TPM3: variants seen among roughly 807,000 people sequenced by gnomAD.
The protein encoded by TPM3 is tropomyosin alpha-3 chain.
In TPM3, 16 loss-of-function variants were observed where a neutral mutation model predicts 43.1. The ratio of observed to expected loss-of-function variants is 0.37; its 90% confidence interval spans 0.25 to 0.56. The LOEUF is 0.56. Among genes scored for constraint, TPM3 ranks in the 20% least tolerant of loss-of-function variants. TPM3 has a pLI of 0.77. For missense variants in TPM3, 176 were observed against 337.2 expected, an observed-to-expected ratio of 0.52 and a Z score of 3.74; for synonymous variants, 101 against 116.9, an observed-to-expected ratio of 0.86 and a Z score of 0.88.
intron 2 of TPM3, chr1:154,187,369 C>T (rs1358361241): frequency 1.0e-6 from 1 of 984,676 alleles, no homozygotes; most frequent in Non-Finnish European, 1.2e-6. Flanking sequence ...CTTGCTTGCT[C>T]CTGGCCACAA....
chr1:154,167,742 T>C lies in TPM3; in HGVS notation c.*195A>G, dbSNP rs530024089. 6.9e-7 allele frequency: 1 copy of C among 1,453,432 alleles called. No individual in the cohort carries two copies. The highest frequency in any genetic ancestry group is 2.6e-5 in the East Asian group (1 of 39,214). 90.0% of individuals were successfully genotyped at this position (1,453,432 alleles called of 1,614,324 possible). On this transcript the variant is annotated 3_prime_UTR_variant, in exon 10 of 10. Coordinates refer to ENST00000651641, the MANE Select transcript of TPM3 (RefSeq NM_152263.4). ...TCAATGACACAAATGCAGGGTGGCATGAGGTTTCCAGCAGCTTAACATTTT... is the reference window on the plus strand; with the variant it reads ...TCAATGACACAAATGCAGGGTGGCACGAGGTTTCCAGCAGCTTAACATTTT...
intron 2 of TPM3, among the ~76,000 whole-genome samples, chr1:154,179,430 A>G (rs568575510): frequency 1.1e-4 from 16 of 152,360 alleles, no homozygotes; most frequent in African/African-American, 3.1e-4. Flanking sequence ...AGAGAACCAC[A>G]CAACAGTCAA....
At position 154,174,388 on chromosome 1, in the gene TPM3, A is replaced by G. The variant is rs543502002; in HGVS notation, c.378-1187T>C. 1.2e-3 allele frequency among the ~76,000 whole-genome samples: 124 copies of G among 103,082 alleles called. 8 individuals are homozygous for G. The highest frequency in any genetic ancestry group is 4.4e-3 in the East Asian group (14 of 3,208). The allele number at this position is 103,082 out of a possible 152,430, so 67.6% of individuals were successfully genotyped here. On this transcript the variant is annotated intron_variant, in intron 3 of 9. Coordinates refer to ENST00000651641, the MANE Select transcript of TPM3 (RefSeq NM_152263.4). ...TATGTGTATATATATATATATATAT[A>G]TATATATATATATATATATACACAC...
Position 154,172,705 on chromosome 1 carries a change from G to A in TPM3, c.566+203C>T, listed in dbSNP as rs537782359. ...AACCCTACCAACAAAAAATAAGAAAGCCTCTTTTGTCACTTGTCACTAGTC... is the reference window on the plus strand; with the variant it reads ...AACCCTACCAACAAAAAATAAGAAAACCTCTTTTGTCACTTGTCACTAGTC... On this transcript the variant is annotated intron_variant, in intron 5 of 9. Transcript: ENST00000651641. The A allele has an allele frequency of 4.6e-6, 3 of 657,006 alleles. No homozygotes were observed. In the South Asian group the frequency reaches 5.3e-5, roughly 12 times the overall value. The allele number at this position is 657,006 out of a possible 1,614,324, so 40.7% of individuals were successfully genotyped here. A position where few individuals can be genotyped will look rare whatever the true frequency, so the allele number is the denominator to read the frequency against.
intron 2 of TPM3, chr1:154,182,911 C>T (rs935504756): frequency 5.0e-6 from 8 of 1,602,878 alleles, no homozygotes; most frequent in African/African-American, 1.3e-5. Flanking sequence ...CCGTGCTCCA[C>T]GGCAAAAGGG....
At chr1:154,168,769 G>A (rs554867147) in intron 9 of TPM3, among the ~76,000 whole-genome samples, 8 of 151,070 alleles carry the variant, frequency 5.3e-5, no homozygotes, top group African/African-American at 1.2e-4. Context: ...CGAGTCATCC[G>A]CCCACCTCAG....
In TPM3 at chr1:154,191,314, A is replaced by G. The variant is rs375206251; in HGVS notation, c.118-3T>C. 2.9e-5 allele frequency: 47 copies of G among 1,613,944 alleles called. No individual in the cohort carries two copies. Among genetic ancestry groups the G allele is most frequent in the Admixed American group, 6.7e-5 (4 of 60,014 alleles). On this transcript the variant is annotated splice_region_variant and splice_polypyrimidine_tract_variant and intron_variant, in intron 1 of 9. Transcript: ENST00000651641. Reference sequence around the variant, plus strand: ...ATGGCTGCCAGCTCATCCTCCAGCTATAGGAGCCCAGAGAGTCACACACAA... The same window carrying G: ...ATGGCTGCCAGCTCATCCTCCAGCTGTAGGAGCCCAGAGAGTCACACACAA...
At chr1:154,180,977 C>T (rs1288398750) in intron 2 of TPM3, among the ~76,000 whole-genome samples, 2 of 151,962 alleles carry the variant, frequency 1.3e-5, no homozygotes, top group African/African-American at 4.8e-5. Context: ...TAGAACTACT[C>T]CTAGAATGTC....
At chr1:154,155,880 A>C (rs1659753236), downstream of TPM3, 2 of 210,792 alleles carry the variant, frequency 9.5e-6, no homozygotes, top group Non-Finnish European at 1.9e-5. Flanking sequence ...GTTTACTCTG[A>C]CAATACTTAT....
At position 154,162,500 on chromosome 1, in the gene TPM3, C is replaced by T. The variant is rs929840818; in HGVS notation, c.*5437G>A. Among the ~76,000 whole-genome samples the T allele has an allele frequency of 6.6e-6, 1 of 151,792 alleles. No homozygotes were observed. Among genetic ancestry groups the T allele is most frequent in the Non-Finnish European group, 1.5e-5 (1 of 68,016 alleles). ...CAGAATAGGTCTAAGATAAAGCTGCCAAACAGAATAGGTCAGTTGTACCTA... is the reference window on the plus strand; with the variant it reads ...CAGAATAGGTCTAAGATAAAGCTGCTAAACAGAATAGGTCAGTTGTACCTA... On this transcript the variant is annotated 3_prime_UTR_variant, in exon 10 of 10. Coordinates refer to ENST00000651641, the MANE Select transcript of TPM3 (RefSeq NM_152263.4).
chr1:154,163,290 T>C lies in TPM3; in HGVS notation c.*4647A>G, dbSNP rs1406896845. On this transcript the variant is annotated 3_prime_UTR_variant, in exon 10 of 10. Coordinates refer to ENST00000651641, the MANE Select transcript of TPM3 (RefSeq NM_152263.4). ...TCAGCCACACTAGCCATGTTTTGAG[T>C]GCTTGACTGCCACATGTGGCTAATG... Among the ~76,000 whole-genome samples the C allele has an allele frequency of 6.6e-6, 1 of 152,170 alleles. No individual in the cohort carries two copies. Among genetic ancestry groups the C allele is most frequent in the Non-Finnish European group, 1.5e-5 (1 of 68,036 alleles).
At chr1:154,172,267 G>A (rs1266728522) in intron 5 of TPM3, 1 of 776,242 alleles carries the variant, frequency 1.3e-6, no homozygotes, top group Non-Finnish European at 2.3e-6. Flanking sequence ...TGGCAGACGG[G>A]AATGTAAGAG....
At chr1:154,168,395 T>C (rs898314019) in intron 9 of TPM3, among the ~76,000 whole-genome samples, 4 of 152,222 alleles carry the variant, frequency 2.6e-5, no homozygotes, top group African/African-American at 7.2e-5. Context: ...CCTCTAGCAG[T>C]ATCCCTTCTG....
intron 2 of TPM3, among the ~76,000 whole-genome samples, chr1:154,188,555 G>C (rs1289674823): frequency 6.6e-6 from 1 of 150,590 alleles, no homozygotes; most frequent in Non-Finnish European, 1.5e-5. Context: ...GGCACCTGTA[G>C]TCCCAGCTAC....
chr1:154,178,989 A>T (rs1662651686), intron 2 of TPM3, among the ~76,000 whole-genome samples: 1 of 152,236 alleles, frequency 6.6e-6, no homozygotes, highest in Admixed American at 6.5e-5. Flanking sequence ...CCTCCAGGCA[A>T]GAAACTGACA....
chr1:154,176,364 GA>G, intron 2 of TPM3, 116 bp from the exon 3 acceptor site: 4 of 1,455,828 alleles, frequency 2.7e-6, no homozygotes, highest in Non-Finnish European at 3.8e-6. Flanking sequence ...TCGCAGGGTA[GA>G]ACTTGTCTTA....
intron 2 of TPM3, among the ~76,000 whole-genome samples, chr1:154,177,405 G>A (rs1388214786): frequency 2.6e-5 from 4 of 152,094 alleles, no homozygotes; most frequent in East Asian, 3.9e-4. Flanking sequence ...GAAGTATATA[G>A]GTTAGAGTCC....
At chr1:154,160,122 T>C (rs1014234255), downstream of TPM3, among the ~76,000 whole-genome samples, 1 of 151,314 alleles carries the variant, frequency 6.6e-6, no homozygotes, top group African/African-American at 2.4e-5. Flanking sequence ...TTTAAAGAGA[T>C]AGTGGGATAT....
chr1:154,178,244 A>G (rs1438930242), intron 2 of TPM3: 1 of 957,998 alleles, frequency 1.0e-6, no homozygotes, highest in Admixed American at 6.2e-5. Context: ...TACAGTTGCC[A>G]TGACAGCAAG....
Sources: allele counts gnomAD v4.1 joint callset (sites outside exome capture counted in the v4.1 genomes callset), GRCh38; gene constraint gnomAD v4.1.1; transcripts MANE v1.5; gene names NCBI Gene and HGNC (gene_info 2026-07-23, HGNC 2026-07-21).